The following PACRG variants were observed in gnomAD, a reference collection of about 807,000 sequenced individuals.
The protein encoded by PACRG is parkin coregulated, also known as parkin coregulated gene protein.
PACRG carries 29 observed loss-of-function variants against 29.7 expected under a neutral mutation model. That is an observed-to-expected ratio of 0.98 (90% CI 0.73 to 1.33). The LOEUF (loss-of-function observed/expected upper bound fraction) is 1.33, where lower values mean the gene tolerates loss of function less well. Ranked by LOEUF, PACRG falls within the 40% of genes most tolerant of loss-of-function variation. The pLI is 0.00. For synonymous variants in PACRG, 116 were observed against 118.7 expected (o/e 0.98, Z 0.15); for missense variants, 279 against 316.2 (o/e 0.88, Z 0.89).
intron 4 of PACRG, among the ~76,000 whole-genome samples, chr6:163,186,401 ACAGACACAGACACACACACACACG>A (rs1263665221): frequency 7.9e-4 from 120 of 152,166 alleles, no homozygotes; most frequent in Non-Finnish European, 1.4e-3. Flanking sequence ...ATACACACAC[ACAGACACAGACACACACACACACG>A]CAGACACAGA....
At chr6:163,314,797 C>A in intron 4 of PACRG, 30 bp from the exon 5 acceptor site, 1 of 1,607,212 alleles carries the variant, frequency 6.2e-7, no homozygotes, top group Middle Eastern at 1.8e-4. Flanking sequence ...AGAGAAGTAA[C>A]TGGCCTCTTT....
Position 162,728,251 on chromosome 6 carries a change from G to A in PACRG, c.16G>A (p.Glu6Lys). The change falls in exon 1 of 5, where the codon GAG becomes AAG. Residue 6 changes from glutamate to lysine, a missense_variant. Transcript: ENST00000366888. MVAEK[E>K]TLSLNKCPDK... ...TTCTAGGAAGATGGTGGCAGAAAAA[G>A]AGACCCTGAGCTTAAACAAATGCCC... The A allele has an allele frequency of 6.2e-7, 1 of 1,613,612 alleles. No homozygotes were observed. Among genetic ancestry groups the A allele is most frequent in the Non-Finnish European group, 8.5e-7 (1 of 1,179,882 alleles).
intron 4 of PACRG, among the ~76,000 whole-genome samples, chr6:163,143,177 C>T (rs1263609436): frequency 6.6e-6 from 1 of 152,056 alleles, no homozygotes; most frequent in East Asian, 1.9e-4. Context: ...ACTATCTTTG[C>T]AACTCTTAGT....
chr6:163,054,354 T>G (rs929147234), intron 2 of PACRG, among the ~76,000 whole-genome samples: 4 of 152,124 alleles, frequency 2.6e-5, no homozygotes, highest in Non-Finnish European at 4.4e-5. Context: ...GGTGACTGTC[T>G]ACAAGCCAGG....
intron 2 of PACRG, among the ~76,000 whole-genome samples, chr6:162,999,171 A>G (rs1804355043): frequency 6.6e-6 from 1 of 152,376 alleles, no homozygotes; most frequent in South Asian, 2.1e-4. Context: ...CCAAATAATT[A>G]TGGGCAGAAA....
intron 2 of PACRG, among the ~76,000 whole-genome samples, chr6:162,907,011 T>A (rs1301816595): frequency 1.3e-5 from 2 of 152,166 alleles, no homozygotes; most frequent in Non-Finnish European, 2.9e-5. Flanking sequence ...GTTGCTAGGG[T>A]ATTGAAAGTT....
At chr6:162,957,290 C>A in intron 2 of PACRG, 1 of 558,384 alleles carries the variant, frequency 1.8e-6, no homozygotes, top group African/African-American at 1.9e-5. Flanking sequence ...TTCTGCTCCT[C>A]GATAAAGAAA....
chr6:163,234,490 G>A (rs1450259605), intron 4 of PACRG, among the ~76,000 whole-genome samples: 1 of 152,092 alleles, frequency 6.6e-6, no homozygotes, highest in East Asian at 1.9e-4. Flanking sequence ...GCAGATGCTG[G>A]TGCCATGTTT....
At chr6:163,163,414 G>A (rs1315877684) in intron 4 of PACRG, among the ~76,000 whole-genome samples, 1 of 152,164 alleles carries the variant, frequency 6.6e-6, no homozygotes, top group African/African-American at 2.4e-5. Context: ...TGGGATTACA[G>A]GCAACTGCCA....
intron 2 of PACRG, among the ~76,000 whole-genome samples, chr6:163,012,826 G>C (rs939466658): frequency 6.6e-6 from 1 of 152,164 alleles, no homozygotes; most frequent in Non-Finnish European, 1.5e-5. Flanking sequence ...CCTTTTGAAC[G>C]CACAACACAC....
intron 2 of PACRG, among the ~76,000 whole-genome samples, chr6:162,907,120 A>G (rs1349484322): frequency 1.3e-5 from 2 of 151,560 alleles, no homozygotes; most frequent in African/African-American, 4.8e-5. Flanking sequence ...TTCATATACC[A>G]TGAGTTCTTT....
intron 1 of PACRG, among the ~76,000 whole-genome samples, chr6:162,780,869 T>A (rs945825020): frequency 7.2e-5 from 11 of 151,762 alleles, no homozygotes; most frequent in Middle Eastern, 6.8e-3. Context: ...AGAAAAAAAA[T>A]TAAGAAAAAA....
chr6:162,786,384 A>T (rs909602376), intron 1 of PACRG, among the ~76,000 whole-genome samples: 3 of 152,204 alleles, frequency 2.0e-5, no homozygotes, highest in African/African-American at 4.8e-5. Flanking sequence ...ACACAGCTAG[A>T]CTACATTTCC....
chr6:162,812,969 G>A (rs1787009136), intron 1 of PACRG, among the ~76,000 whole-genome samples: 1 of 151,908 alleles, frequency 6.6e-6, no homozygotes, highest in East Asian at 1.9e-4. Context: ...TCTAATAAAT[G>A]TGTGTTACCT....
intron 2 of PACRG, among the ~76,000 whole-genome samples, chr6:162,982,859 T>G (rs1485535160): frequency 6.6e-6 from 1 of 152,150 alleles, no homozygotes; most frequent in Non-Finnish European, 1.5e-5. Flanking sequence ...TGTTTCTTTG[T>G]TGACTGTCTG....
intron 2 of PACRG, among the ~76,000 whole-genome samples, chr6:163,047,860 C>T (rs1180007711): frequency 3.9e-5 from 6 of 152,198 alleles, no homozygotes; most frequent in South Asian, 4.1e-4. Context: ...TTCTGTCTTC[C>T]GTTTATATTT....
chr6:163,159,147 T>G (rs1334970741), intron 4 of PACRG, among the ~76,000 whole-genome samples: 3 of 152,148 alleles, frequency 2.0e-5, no homozygotes, highest in Non-Finnish European at 2.9e-5. Context: ...TGCATACTGT[T>G]GTTGTAAGCG....
intron 4 of PACRG, among the ~76,000 whole-genome samples, chr6:163,093,808 C>T (rs1814328832): frequency 6.6e-6 from 1 of 152,108 alleles, no homozygotes; most frequent in African/African-American, 2.4e-5. Flanking sequence ...AGATGTTTAC[C>T]ATTATAGACT....
intron 2 of PACRG, among the ~76,000 whole-genome samples, chr6:163,023,098 A>G (rs1422543664): frequency 6.6e-6 from 1 of 152,190 alleles, no homozygotes; most frequent in East Asian, 1.9e-4. Flanking sequence ...ACTTTTATTT[A>G]GATACAGGTG....
Sources: gnomAD v4.1 joint callset for allele counts (sites outside exome capture counted in the v4.1 genomes callset) on GRCh38, gnomAD v4.1.1 for gene constraint, MANE v1.5 for transcripts, NCBI Gene and HGNC (gene_info 2026-07-23, HGNC 2026-07-21) for gene names.